The following SGMS1 variants were observed in gnomAD, a reference collection of about 807,000 sequenced individuals.
SGMS1 encodes phosphatidylcholine:ceramide cholinephosphotransferase 1.
A neutral mutation model predicts 46.2 loss-of-function variants in SGMS1; 13 were observed. That is an observed-to-expected ratio of 0.28 (90% CI 0.18 to 0.45). The LOEUF is 0.45. Among genes scored for constraint, SGMS1 ranks in the 20% least tolerant of loss-of-function variants. SGMS1 has a pLI of 1.00. For synonymous variants in SGMS1, 203 were observed against 187.8 expected (o/e 1.08, Z -0.66); for missense variants, 324 against 519.9 (o/e 0.62, Z 3.66).
chr10:50,522,647 A>G (rs1837866532), intron 2 of SGMS1, among the ~76,000 whole-genome samples: 1 of 152,014 alleles, frequency 6.6e-6, no homozygotes, highest in Non-Finnish European at 1.5e-5. Flanking sequence ...GGTTAAGATG[A>G]GTCTATTTCA....
At chr10:50,439,493 G>A (rs540704322) in intron 5 of SGMS1, among the ~76,000 whole-genome samples, 8 of 152,252 alleles carry the variant, frequency 5.3e-5, no homozygotes, top group East Asian at 1.9e-4. Flanking sequence ...AGCACAATGC[G>A]GGCCTTCTGT....
At chr10:50,371,397 C>G (rs998787321) in intron 6 of SGMS1, among the ~76,000 whole-genome samples, 1 of 152,210 alleles carries the variant, frequency 6.6e-6, no homozygotes, top group African/African-American at 2.4e-5. Flanking sequence ...CCAAACTGCA[C>G]AAGGCAGCAA....
upstream of SGMS1, chr10:50,624,554 G>T (rs1248871064): frequency 1.0e-6 from 1 of 979,144 alleles, no homozygotes; most frequent in South Asian, 4.7e-5. Context: ...CTCTAACCGC[G>T]CGAGGTGAAA....
Position 50,495,073 on chromosome 10 carries a change from C to A in SGMS1, c.-498+24758G>T, listed in dbSNP as rs890601265. Among the ~76,000 whole-genome samples, 408 of 87,122 alleles carry A rather than the reference C, an allele frequency of 4.7e-3. 12 individuals carry two copies. Among genetic ancestry groups the A allele is most frequent in the Middle Eastern group, 0.011 (2 of 184 alleles). The allele number at this position is 87,122 out of a possible 152,430, so 57.2% of individuals were successfully genotyped here. On this transcript the variant is annotated intron_variant, in intron 3 of 10. Transcript: ENST00000361781. ...AAAATAAAAAAAAATACAAAAAATA[C>A]AAAAAAAAAAAAAAATTAGCCGGAC...
At chr10:50,427,372 C>G (rs1175395192) in intron 6 of SGMS1, among the ~76,000 whole-genome samples, 9 of 152,176 alleles carry the variant, frequency 5.9e-5, no homozygotes, top group Admixed American at 1.3e-4. Context: ...GCACTCCAGC[C>G]TGTGTAACAG....
Position 50,457,911 on chromosome 10 carries a change from G to A in SGMS1, c.-313+2762C>T, listed in dbSNP as rs1250858947. ...CTGTCCTTAACTGTGTGATTATATG[G>A]CCAAATTCCAGTCCCAACTTGCTTT... On this transcript the variant is annotated intron_variant, in intron 5 of 10. Transcript: ENST00000361781. Among the ~76,000 whole-genome samples, 3 of 152,284 alleles carry A rather than the reference G, an allele frequency of 2.0e-5. No individual in the cohort carries two copies. The East Asian group carries it at 5.8e-4, about 29-fold the overall frequency.
chr10:50,406,319 C>A (rs1849013699), intron 6 of SGMS1, among the ~76,000 whole-genome samples: 1 of 152,188 alleles, frequency 6.6e-6, no homozygotes, highest in African/African-American at 2.4e-5. Flanking sequence ...ACATCAGACT[C>A]CTGTCGGATG....
At chr10:50,340,970 A>AGGCTTAATTT (rs1183275091) in intron 7 of SGMS1, among the ~76,000 whole-genome samples, 2 of 152,238 alleles carry the variant, frequency 1.3e-5, no homozygotes, top group African/African-American at 4.8e-5. Flanking sequence ...CTGGCCAAAT[A>AGGCTTAATTT]GGCTTAATTT....
intron 2 of SGMS1, among the ~76,000 whole-genome samples, chr10:50,555,150 C>T (rs975085897): frequency 2.0e-5 from 3 of 152,310 alleles, no homozygotes; most frequent in Admixed American, 6.5e-5. Context: ...AGGCTTCCCA[C>T]GTGGCAGGTG....
chr10:50,499,175 A>T (rs1837640627), intron 3 of SGMS1, among the ~76,000 whole-genome samples: 1 of 152,214 alleles, frequency 6.6e-6, no homozygotes, highest in Non-Finnish European at 1.5e-5. Flanking sequence ...ATTAAATTTT[A>T]AAAATAAAGC....
intron 2 of SGMS1, among the ~76,000 whole-genome samples, chr10:50,579,034 A>G (rs1215160648): frequency 6.6e-6 from 1 of 152,168 alleles, no homozygotes; most frequent in Non-Finnish European, 1.5e-5. Flanking sequence ...GAAGGAAATA[A>G]AAACTATGCA....
intron 2 of SGMS1, among the ~76,000 whole-genome samples, chr10:50,555,069 C>A (rs987570070): frequency 6.6e-6 from 1 of 152,166 alleles, no homozygotes; most frequent in Non-Finnish European, 1.5e-5. Flanking sequence ...GTCACGCCAG[C>A]AGGTGTCACC....
rs534049671 is a variant in SGMS1, at chr10:50,623,651, T to G, written c.-684+56A>C. On this transcript the variant is annotated intron_variant, in intron 1 of 10. Coordinates refer to ENST00000361781, the MANE Select transcript of SGMS1 (RefSeq NM_147156.4). Reference sequence around the variant, plus strand: ...TAAGGCCGGGCCCGCGAGACAGGTGTCCGATCGGCCCCCGCAACCGTGAGG... The same window carrying G: ...TAAGGCCGGGCCCGCGAGACAGGTGGCCGATCGGCCCCCGCAACCGTGAGG... 28 of 985,126 alleles carry G rather than the reference T, an allele frequency of 2.8e-5. No individual in the cohort carries two copies. The African/African-American group carries it at 4.9e-4, about 17-fold the overall frequency. The allele number at this position is 985,126 out of a possible 1,614,324, so 61.0% of individuals were successfully genotyped here. A position where few individuals can be genotyped will look rare whatever the true frequency, so the allele number is the denominator to read the frequency against.
At position 50,449,378 on chromosome 10, in the gene SGMS1, T is replaced by G. The variant is rs1837070921; in HGVS notation, c.-313+11295A>C. On this transcript the variant is annotated intron_variant, in intron 5 of 10. Coordinates refer to ENST00000361781, the MANE Select transcript of SGMS1 (RefSeq NM_147156.4). ...GAGTAACCTGGGGTGGTGGAGGGAGTGCAGGGCTTTGATTATGACAGATCT... is the reference window on the plus strand; with the variant it reads ...GAGTAACCTGGGGTGGTGGAGGGAGGGCAGGGCTTTGATTATGACAGATCT... 1.3e-5 allele frequency among the ~76,000 whole-genome samples: 2 copies of G among 151,884 alleles called. 1 individual carries two copies. Among genetic ancestry groups the G allele is most frequent in the South Asian group, 4.2e-4 (2 of 4,806 alleles).
intron 6 of SGMS1, among the ~76,000 whole-genome samples, chr10:50,404,369 G>A (rs994221646): frequency 2.0e-5 from 3 of 151,282 alleles, no homozygotes; most frequent in Non-Finnish European, 2.9e-5. Flanking sequence ...TGCTTTGAGA[G>A]TCTGATGTGG....
intron 2 of SGMS1, among the ~76,000 whole-genome samples, chr10:50,527,092 A>C (rs942731071): frequency 6.6e-6 from 1 of 150,592 alleles, no homozygotes; most frequent in Non-Finnish European, 1.5e-5. Context: ...AAAAAAAAGA[A>C]AGAAAGAAAA....
intron 2 of SGMS1, among the ~76,000 whole-genome samples, chr10:50,545,075 C>T (rs1838088576): frequency 1.3e-5 from 2 of 152,124 alleles, no homozygotes; most frequent in South Asian, 4.1e-4. Context: ...AATGAGGACA[C>T]AGTAGCTTTG....
At chr10:50,557,021 C>T (rs912319369) in intron 2 of SGMS1, among the ~76,000 whole-genome samples, 1 of 152,032 alleles carries the variant, frequency 6.6e-6, no homozygotes, top group African/African-American at 2.4e-5. Context: ...GTCAATATTG[C>T]AAATAAAATT....
chr10:50,556,586 G>A (rs1838191060), intron 2 of SGMS1, among the ~76,000 whole-genome samples: 1 of 152,162 alleles, frequency 6.6e-6, no homozygotes, highest in Non-Finnish European at 1.5e-5. Flanking sequence ...GGAGCACAAT[G>A]AGCCAAGGGA....
Sources: gnomAD v4.1 joint callset for allele counts (sites outside exome capture counted in the v4.1 genomes callset) on GRCh38, gnomAD v4.1.1 for gene constraint, MANE v1.5 for transcripts, NCBI Gene and HGNC (gene_info 2026-07-23, HGNC 2026-07-21) for gene names.